SH3RF3: variants seen among roughly 807,000 people sequenced by gnomAD.
SH3RF3 encodes the protein E3 ubiquitin-protein ligase SH3RF3.
SH3RF3 carries 29 observed loss-of-function variants against 66.3 expected under a neutral mutation model. The ratio of observed to expected loss-of-function variants is 0.44; its 90% CI spans 0.33 to 0.60. The LOEUF (loss-of-function observed/expected upper bound fraction) is 0.60, where lower values mean the gene tolerates loss of function less well. SH3RF3 is among the 20% of genes least tolerant of loss of function. SH3RF3 has a pLI of 0.04. For missense variants in SH3RF3, 1,194 were observed against 1,190.9 expected (o/e 1.00, Z -0.04); for synonymous variants, 583 against 532.0 (o/e 1.10, Z -1.32).
intron 1 of SH3RF3, among the ~76,000 whole-genome samples, chr2:109,171,339 A>G (rs1267076983): frequency 1.3e-5 from 2 of 152,150 alleles, no homozygotes; most frequent in East Asian, 1.9e-4. Context: ...TAAGAATTCA[A>G]AGTTTTTGTC....
intron 2 of SH3RF3, among the ~76,000 whole-genome samples, chr2:109,355,854 A>G (rs1021777984): frequency 1.3e-5 from 2 of 152,154 alleles, no homozygotes; most frequent in Non-Finnish European, 2.9e-5. Flanking sequence ...TGAAGCAGCT[A>G]TTTCCTCCTT....
At chr2:109,489,378 G>C (rs773806710) in intron 8 of SH3RF3, among the ~76,000 whole-genome samples, 1 of 152,244 alleles carries the variant, frequency 6.6e-6, no homozygotes, top group Non-Finnish European at 1.5e-5. Context: ...GGCCTGGGGG[G>C]ACTTGGCTGG....
At position 109,386,315 on chromosome 2, in the gene SH3RF3, G is replaced by A. The variant is rs755515011; in HGVS notation, c.946-12275G>A. Reference sequence around the variant, plus strand: ...ATGGAGCATGTACAGGTGACATTGTGTGGCTTCTGCAATTTGCTGGAAGCA... The same window carrying A: ...ATGGAGCATGTACAGGTGACATTGTATGGCTTCTGCAATTTGCTGGAAGCA... On this transcript the variant is annotated intron_variant, in intron 3 of 9. Coordinates refer to ENST00000309415, the MANE Select transcript of SH3RF3 (RefSeq NM_001099289.3). 1.8e-4 allele frequency among the ~76,000 whole-genome samples: 28 copies of A among 152,166 alleles called. 1 individual carries two copies. Among genetic ancestry groups the A allele is most frequent in the Non-Finnish European group, 3.1e-4 (21 of 68,030 alleles).
At chr2:109,389,696 T>C (rs1675928551) in intron 3 of SH3RF3, among the ~76,000 whole-genome samples, 1 of 152,230 alleles carries the variant, frequency 6.6e-6, no homozygotes, top group Non-Finnish European at 1.5e-5. Flanking sequence ...GGCTATTTTA[T>C]ATATTTTTGG....
chr2:109,293,711 A>G (rs1055985141), intron 1 of SH3RF3, among the ~76,000 whole-genome samples: 1 of 152,216 alleles, frequency 6.6e-6, no homozygotes, highest in Non-Finnish European at 1.5e-5. Flanking sequence ...AGCAATGTTC[A>G]TGTTGGCTGT....
At chr2:109,499,771 A>ATG (rs377475380) in intron 9 of SH3RF3, among the ~76,000 whole-genome samples, 3 of 151,788 alleles carry the variant, frequency 2.0e-5, no homozygotes, top group Non-Finnish European at 4.4e-5. Context: ...GTGTGTGTGT[A>ATG]TGTGTGTGTG....
At position 109,275,673 on chromosome 2, in the gene SH3RF3, G is replaced by C. The variant is rs147264042; in HGVS notation, c.574-72001G>C. Reference sequence around the variant, plus strand: ...AAGGATTAGCTGAGGTTGTCTGGATGCTTGATTAGCGCGTCCTTTTAAAAG... The same window carrying C: ...AAGGATTAGCTGAGGTTGTCTGGATCCTTGATTAGCGCGTCCTTTTAAAAG... On this transcript the variant is annotated intron_variant, in intron 1 of 9. Transcript: ENST00000309415. 8.0e-4 allele frequency among the ~76,000 whole-genome samples: 122 copies of C among 152,294 alleles called. 1 individual carries two copies. The highest frequency in any genetic ancestry group is 3.4e-3 in the Middle Eastern group (1 of 294).
At chr2:109,453,996 A>C (rs1286531954) in intron 8 of SH3RF3, among the ~76,000 whole-genome samples, 1 of 152,228 alleles carries the variant, frequency 6.6e-6, no homozygotes, top group African/African-American at 2.4e-5. Flanking sequence ...AAATCTGCAG[A>C]TGCTGGGCAG....
At chr2:109,426,542 G>C (rs994354514) in intron 5 of SH3RF3, among the ~76,000 whole-genome samples, 1 of 152,234 alleles carries the variant, frequency 6.6e-6, no homozygotes, top group Non-Finnish European at 1.5e-5. Flanking sequence ...TTGAACAGAT[G>C]AGGAGTTGCT....
chr2:109,450,313 T>A (rs1677831394), intron 8 of SH3RF3, among the ~76,000 whole-genome samples: 1 of 150,824 alleles, frequency 6.6e-6, no homozygotes, highest in Non-Finnish European at 1.5e-5. Flanking sequence ...GCCACTGCAC[T>A]CCAGCCTGGG....
At position 109,490,805 on chromosome 2, in the gene SH3RF3, G is replaced by C; in HGVS notation, c.2349G>C (p.Gln783His). The change falls in exon 9 of 10, where the codon CAG becomes CAC. Residue 783 changes from glutamine (Q) to histidine (H), a missense_variant. By Grantham distance (24) the Gln-to-His change is conservative. Coordinates refer to ENST00000309415, the MANE Select transcript of SH3RF3 (RefSeq NM_001099289.3). ...AGSCPIESEM[Q>H]GAMGMEPLHR... ...CCTGCCCCATAGAGAGCGAGATGCA[G>C]GGTGCCATGGGGATGGAGCCTCTGC... 1 of 1,537,024 alleles carries C rather than the reference G, an allele frequency of 6.5e-7. No individual in the cohort carries two copies. The highest frequency in any genetic ancestry group is 8.7e-7 in the Non-Finnish European group (1 of 1,146,836).
At chr2:109,145,981 G>A (rs1369074106) in intron 1 of SH3RF3, among the ~76,000 whole-genome samples, 1 of 152,104 alleles carries the variant, frequency 6.6e-6, no homozygotes, top group Non-Finnish European at 1.5e-5. Context: ...CAAGTCAAGG[G>A]GCTTGGCAGT....
chr2:109,427,832 G>C (rs1326783451), intron 5 of SH3RF3, among the ~76,000 whole-genome samples: 3 of 152,256 alleles, frequency 2.0e-5, no homozygotes, highest in Admixed American at 2.0e-4. Flanking sequence ...GCCAGACCAT[G>C]ATGTCAGCCC....
intron 9 of SH3RF3, among the ~76,000 whole-genome samples, chr2:109,495,976 A>C (rs1356627678): frequency 1.3e-5 from 2 of 152,230 alleles, no homozygotes; most frequent in Non-Finnish European, 2.9e-5. Context: ...TCGTGGTCTC[A>C]CTGACTTCAA....
intron 5 of SH3RF3, among the ~76,000 whole-genome samples, chr2:109,420,662 G>C (rs147099958): frequency 0.047 from 7,192 of 152,196 alleles, 228 homozygotes; most frequent in Non-Finnish European, 0.073. Context: ...AGCCAGGATG[G>C]TCTCGATCTC....
At chr2:109,242,543 G>C (rs1377558825) in intron 1 of SH3RF3, among the ~76,000 whole-genome samples, 1 of 152,214 alleles carries the variant, frequency 6.6e-6, no homozygotes, top group African/African-American at 2.4e-5. Context: ...AAGGCCAAGT[G>C]GGAAGCCTGT....
chr2:109,398,872 A>T lies in SH3RF3; in HGVS notation c.1228A>T (p.Ser410Cys). Residue 410 changes from serine to cysteine, a missense_variant, in exon 4 of 10, where the codon AGC (serine) becomes TGC (cysteine). By Grantham distance (112) the Ser-to-Cys change is moderately radical. Coordinates refer to ENST00000309415, the MANE Select transcript of SH3RF3 (RefSeq NM_001099289.3). Reference sequence around the variant, plus strand: ...GGAAATTAGTGCTCCAGTGTTGATCAGCTCCAGCGATCCCCGAGCCGCGGC... The same window carrying T: ...GGAAATTAGTGCTCCAGTGTTGATCTGCTCCAGCGATCCCCGAGCCGCGGC... The part of the protein sequence containing the change: ...SMEISAPVLI[S>C]SSDPRAAARI... 1 of 1,613,830 alleles carries T rather than the reference A, an allele frequency of 6.2e-7. No individual in the cohort carries two copies.
intron 1 of SH3RF3, among the ~76,000 whole-genome samples, chr2:109,241,739 C>A (rs1679789053): frequency 6.6e-6 from 1 of 152,138 alleles, no homozygotes; most frequent in Non-Finnish European, 1.5e-5. Flanking sequence ...TCTGTTCCCA[C>A]CCTGCGTGTT....
At chr2:109,388,259 A>G (rs548802978) in intron 3 of SH3RF3, among the ~76,000 whole-genome samples, 23 of 152,320 alleles carry the variant, frequency 1.5e-4, no homozygotes, top group Admixed American at 1.2e-3. Flanking sequence ...GCCTTTCTCT[A>G]GTAGCACTTT....
Sources: allele counts gnomAD v4.1 joint callset (sites outside exome capture counted in the v4.1 genomes callset), GRCh38; gene constraint gnomAD v4.1.1; transcripts MANE v1.5; gene names NCBI Gene and HGNC (gene_info 2026-07-23, HGNC 2026-07-21).